The following GAREM1 variants were observed in gnomAD, a reference collection of about 807,000 sequenced individuals.
The protein encoded by GAREM1 is GRB2 associated regulator of MAPK1 subtype 1.
A neutral mutation model predicts 71.3 loss-of-function variants in GAREM1; 26 were observed. That is an observed-to-expected ratio of 0.36 (90% CI 0.27 to 0.51). The LOEUF is 0.51. Ranked by LOEUF, GAREM1 falls within the 20% of genes least tolerant of loss-of-function variation. The pLI is 0.95. For missense variants in GAREM1, 1,026 were observed against 1,103.1 expected (o/e 0.93, Z 0.99); for synonymous variants, 440 against 433.2 (o/e 1.02, Z -0.20).
At chr18:32,443,823 G>A (rs1409350299) in intron 1 of GAREM1, among the ~76,000 whole-genome samples, 1 of 152,142 alleles carries the variant, frequency 6.6e-6, no homozygotes, top group Non-Finnish European at 1.5e-5. Flanking sequence ...GTACACAGAT[G>A]TCCATATCAG....
chr18:32,397,085 T>C (rs1163395452), intron 1 of GAREM1, among the ~76,000 whole-genome samples: 1 of 152,158 alleles, frequency 6.6e-6, no homozygotes, highest in Non-Finnish European at 1.5e-5. Flanking sequence ...TAAAATACTT[T>C]ACAGACAAGC....
intron 1 of GAREM1, among the ~76,000 whole-genome samples, chr18:32,418,856 T>A (rs2048491822): frequency 6.6e-6 from 1 of 152,034 alleles, no homozygotes; most frequent in Admixed American, 6.6e-5. Context: ...TAGACAGAAA[T>A]GAAGAGAAGG....
At chr18:32,321,484 T>G (rs984441699) in intron 2 of GAREM1, among the ~76,000 whole-genome samples, 1 of 152,212 alleles carries the variant, frequency 6.6e-6, no homozygotes, top group Non-Finnish European at 1.5e-5. Context: ...ACCACCTATG[T>G]AAGTTGACAA....
At chr18:32,397,741 T>TC (rs2048271838) in intron 1 of GAREM1, among the ~76,000 whole-genome samples, 1 of 152,178 alleles carries the variant, frequency 6.6e-6, no homozygotes, top group South Asian at 2.1e-4. Context: ...ATTAGACAGA[T>TC]AGAGACAGAA....
At chr18:32,395,946 G>A (rs890322737) in intron 1 of GAREM1, among the ~76,000 whole-genome samples, 1 of 152,098 alleles carries the variant, frequency 6.6e-6, no homozygotes, top group Non-Finnish European at 1.5e-5. Flanking sequence ...ACATGGCCGG[G>A]TACCCCTCTG....
At position 32,267,096 on chromosome 18, in the gene GAREM1, A is replaced by T. The variant is rs2041383760; in HGVS notation, c.*775T>A. 1 of 152,198 alleles carries T rather than the reference A, an allele frequency of 6.6e-6. No homozygotes were observed. Among genetic ancestry groups the T allele is most frequent in the African/African-American group, 2.4e-5 (1 of 41,442 alleles). The allele number at this position is 152,198 out of a possible 1,614,324, so 9.4% of individuals were successfully genotyped here. ...GATAACAGTCCCAAAACCTCAACAG[A>T]TTGTTTAAAAGTGAACAGATGTTAT... On this transcript the variant is annotated 3_prime_UTR_variant, in exon 6 of 6. Transcript: ENST00000269209.
chr18:32,301,795 G>C (rs1332773603), intron 3 of GAREM1, among the ~76,000 whole-genome samples: 1 of 152,168 alleles, frequency 6.6e-6, no homozygotes, highest in Non-Finnish European at 1.5e-5. Context: ...TTCACTGGAA[G>C]AGTCTTTCCT....
intron 5 of GAREM1, among the ~76,000 whole-genome samples, chr18:32,269,002 T>A (rs1166824266): frequency 1.3e-5 from 2 of 152,162 alleles, no homozygotes; most frequent in African/African-American, 4.8e-5. Context: ...AAAATAAATA[T>A]TTCAGCTAGT....
At chr18:32,394,374 C>A (rs75169444) in intron 1 of GAREM1, among the ~76,000 whole-genome samples, 23 of 151,958 alleles carry the variant, frequency 1.5e-4, no homozygotes, top group African/African-American at 5.3e-4. Flanking sequence ...TGCACTCCAG[C>A]CTGGGTAACG....
intron 3 of GAREM1, among the ~76,000 whole-genome samples, chr18:32,307,516 A>G (rs1226250758): frequency 2.0e-5 from 3 of 152,170 alleles, no homozygotes; most frequent in Non-Finnish European, 4.4e-5. Context: ...CAGACACAAT[A>G]ATCCAGACTT....
At chr18:32,352,253 G>A (rs938356732) in intron 2 of GAREM1, among the ~76,000 whole-genome samples, 10 of 152,168 alleles carry the variant, frequency 6.6e-5, no homozygotes, top group African/African-American at 2.4e-4. Context: ...TAAGTTGTCA[G>A]ATCAGCCCAC....
At chr18:32,271,278 T>C (rs1485446229) in intron 4 of GAREM1, among the ~76,000 whole-genome samples, 12 of 152,140 alleles carry the variant, frequency 7.9e-5, no homozygotes, top group Non-Finnish European at 1.3e-4. Flanking sequence ...CTGCAACCTC[T>C]GCTTCCCGAG....
intron 3 of GAREM1, among the ~76,000 whole-genome samples, chr18:32,298,134 T>C (rs2047161996): frequency 6.6e-6 from 1 of 152,220 alleles, no homozygotes; most frequent in Non-Finnish European, 1.5e-5. Flanking sequence ...TGTATGTGTG[T>C]ACTTCTTAAA....
At chr18:32,415,833 C>T (rs2048460878) in intron 1 of GAREM1, among the ~76,000 whole-genome samples, 1 of 152,098 alleles carries the variant, frequency 6.6e-6, no homozygotes, top group African/African-American at 2.4e-5. Flanking sequence ...AGTCCATTGT[C>T]ACCACTGTTA....
At chr18:32,309,548 G>T (rs778681125) in intron 3 of GAREM1, among the ~76,000 whole-genome samples, 1 of 139,118 alleles carries the variant, frequency 7.2e-6, no homozygotes, top group Non-Finnish European at 1.5e-5. Flanking sequence ...CCAGGGAGGC[G>T]AAGCTTGCAG....
In GAREM1 at chr18:32,314,092, T is replaced by TG. The variant is rs199818920; in HGVS notation, c.263-3770_263-3769insC. Reference sequence around the variant, plus strand: ...GTACATACTTTTTGACAAAAAAAGTTTTTTTTTTTTTTAAATAAGGCAATT... The same window carrying TG: ...GTACATACTTTTTGACAAAAAAAGTTGTTTTTTTTTTTTAAATAAGGCAATT... On this transcript the variant is annotated intron_variant, in intron 2 of 5. Coordinates refer to ENST00000269209, the MANE Select transcript of GAREM1 (RefSeq NM_001242409.2). Among the ~76,000 whole-genome samples, 964 of 144,546 alleles carry TG rather than the reference T, an allele frequency of 6.7e-3. 11 individuals carry two copies. Among genetic ancestry groups the TG allele is most frequent in the African/African-American group, 0.025 (909 of 36,902 alleles). The allele number at this position is 144,546 out of a possible 152,430, so 94.8% of individuals were successfully genotyped here. A position where few individuals can be genotyped will look rare whatever the true frequency, so the allele number is the denominator to read the frequency against.
At chr18:32,297,412 T>G (rs1191574991) in intron 3 of GAREM1, among the ~76,000 whole-genome samples, 1 of 152,242 alleles carries the variant, frequency 6.6e-6, no homozygotes, top group Admixed American at 6.5e-5. Context: ...TCACAGTGCT[T>G]GGCACATGGT....
intron 2 of GAREM1, among the ~76,000 whole-genome samples, chr18:32,350,429 C>T (rs994973026): frequency 2.0e-5 from 3 of 152,098 alleles, no homozygotes; most frequent in South Asian, 2.1e-4. Flanking sequence ...TATTAGTATA[C>T]TCTTGCCTCA....
intron 2 of GAREM1, among the ~76,000 whole-genome samples, chr18:32,335,028 C>T (rs956892285): frequency 2.6e-5 from 4 of 152,168 alleles, no homozygotes; most frequent in African/African-American, 9.7e-5. Flanking sequence ...TAGCCACCTT[C>T]CCCCACTGCC....
Sources: gnomAD v4.1 joint callset for allele counts (sites outside exome capture counted in the v4.1 genomes callset) on GRCh38, gnomAD v4.1.1 for gene constraint, MANE v1.5 for transcripts, NCBI Gene and HGNC (gene_info 2026-07-23, HGNC 2026-07-21) for gene names.